GALNTL6: variants seen among roughly 807,000 people sequenced by gnomAD.
The protein encoded by GALNTL6 is polypeptide N-acetylgalactosaminyltransferase-like 6.
In GALNTL6, 46 loss-of-function variants were observed where a neutral mutation model predicts 73.7. The ratio of observed to expected loss-of-function variants is 0.62; its 90% CI spans 0.49 to 0.80. The LOEUF (loss-of-function observed/expected upper bound fraction) is 0.80. Ranked by LOEUF, GALNTL6 falls within the 30% of genes least tolerant of loss-of-function variation. GALNTL6 has a pLI of 0.00. For synonymous variants in GALNTL6, 259 were observed against 263.7 expected (o/e 0.98, Z 0.17); for missense variants, 604 against 755.0 (o/e 0.80, Z 2.34).
chr4:172,740,576 G>A (rs1416202324), intron 5 of GALNTL6, among the ~76,000 whole-genome samples: 1 of 152,126 alleles, frequency 6.6e-6, no homozygotes, highest in South Asian at 2.1e-4. Flanking sequence ...TGCTTTCCTA[G>A]CTGTGGTCAG....
chr4:172,771,357 G>T (rs796363008), intron 5 of GALNTL6, among the ~76,000 whole-genome samples: 7 of 152,242 alleles, frequency 4.6e-5, no homozygotes, highest in African/African-American at 1.7e-4. Context: ...GTTCTCTAAG[G>T]TTCCAAAAAT....
intron 2 of GALNTL6, among the ~76,000 whole-genome samples, chr4:172,006,355 C>T (rs559754785): frequency 2.6e-5 from 4 of 152,250 alleles, no homozygotes; most frequent in South Asian, 2.1e-4. Flanking sequence ...AGGCTGGACA[C>T]GGTGGCTCTT....
intron 2 of GALNTL6, among the ~76,000 whole-genome samples, chr4:171,853,760 C>T (rs905144605): frequency 4.0e-5 from 6 of 151,396 alleles, no homozygotes. Context: ...TACAGGTGCC[C>T]ACCACCACGC....
At chr4:172,856,618 T>A (rs749373200) in intron 7 of GALNTL6, among the ~76,000 whole-genome samples, 2 of 146,390 alleles carry the variant, frequency 1.4e-5, no homozygotes, top group Non-Finnish European at 3.0e-5. Flanking sequence ...TGATAAAACA[T>A]GAAGGTTCAT....
intron 3 of GALNTL6, among the ~76,000 whole-genome samples, chr4:172,236,584 A>G (rs1164921778): frequency 6.6e-6 from 1 of 151,356 alleles, no homozygotes; most frequent in Non-Finnish European, 1.5e-5. Flanking sequence ...GTATATTAGC[A>G]TGATAGGCAG....
At chr4:171,940,904 CTT>C (rs917943929) in intron 2 of GALNTL6, among the ~76,000 whole-genome samples, 1 of 150,610 alleles carries the variant, frequency 6.6e-6, no homozygotes, top group African/African-American at 2.4e-5. Flanking sequence ...TGTATAATCA[CTT>C]TATAAGAATG....
At chr4:172,411,918 G>T (rs1397395888) in intron 5 of GALNTL6, among the ~76,000 whole-genome samples, 2 of 151,712 alleles carry the variant, frequency 1.3e-5, no homozygotes, top group African/African-American at 4.8e-5. Flanking sequence ...AAATAGAAAA[G>T]TAAAAAGTTA....
At chr4:172,230,602 A>G (rs1224175930) in intron 3 of GALNTL6, among the ~76,000 whole-genome samples, 2 of 152,022 alleles carry the variant, frequency 1.3e-5, no homozygotes, top group African/African-American at 4.8e-5. Context: ...GACAAAAAAG[A>G]ATAAGTCTTT....
chr4:172,742,006 A>G (rs909373016), intron 5 of GALNTL6, among the ~76,000 whole-genome samples: 2 of 151,964 alleles, frequency 1.3e-5, no homozygotes, highest in Non-Finnish European at 2.9e-5. Context: ...AAAATAAGAA[A>G]AAACATATAC....
At chr4:172,491,507 T>C (rs1733891798) in intron 5 of GALNTL6, among the ~76,000 whole-genome samples, 1 of 152,074 alleles carries the variant, frequency 6.6e-6, no homozygotes, top group Admixed American at 6.6e-5. Context: ...ATTTGAGTAA[T>C]AAAAGTTTGT....
intron 5 of GALNTL6, among the ~76,000 whole-genome samples, chr4:172,808,093 G>C (rs1741075035): frequency 6.6e-6 from 1 of 152,170 alleles, no homozygotes; most frequent in African/African-American, 2.4e-5. Flanking sequence ...AAAGTGCTGA[G>C]ATTACAGGCA....
At chr4:173,031,359 G>A (rs1011926069) in intron 12 of GALNTL6, among the ~76,000 whole-genome samples, 32 of 152,108 alleles carry the variant, frequency 2.1e-4, no homozygotes, top group African/African-American at 7.5e-4. Context: ...AAATAGATGG[G>A]CTAACTAGTC....
At chr4:172,155,351 G>A (rs1168049483) in intron 2 of GALNTL6, among the ~76,000 whole-genome samples, 1 of 152,150 alleles carries the variant, frequency 6.6e-6, no homozygotes, top group African/African-American at 2.4e-5. Context: ...TCCACCAAGT[G>A]AGGATACAGT....
intron 5 of GALNTL6, among the ~76,000 whole-genome samples, chr4:172,756,548 A>G (rs1821863): frequency 0.96 from 146,090 of 152,094 alleles, 70,432 homozygotes; most frequent in East Asian, 1. Flanking sequence ...AGGAGGCTGA[A>G]GCAGGAGAAT....
At chr4:172,699,819 G>T (rs538529456) in intron 5 of GALNTL6, among the ~76,000 whole-genome samples, 1 of 152,130 alleles carries the variant, frequency 6.6e-6, no homozygotes, top group East Asian at 1.9e-4. Context: ...AAAAGAAAAA[G>T]AAAATAATTT....
At chr4:172,469,184 T>C (rs545071736) in intron 5 of GALNTL6, among the ~76,000 whole-genome samples, 2 of 152,210 alleles carry the variant, frequency 1.3e-5, no homozygotes, top group East Asian at 1.9e-4. Flanking sequence ...GGTTACACAA[T>C]TGGACTCATT....
intron 7 of GALNTL6, among the ~76,000 whole-genome samples, chr4:172,865,768 T>C (rs1311159487): frequency 6.6e-6 from 1 of 152,202 alleles, no homozygotes; most frequent in Non-Finnish European, 1.5e-5. Context: ...CATGAGCCTC[T>C]AGTTTCCTCA....
intron 2 of GALNTL6, among the ~76,000 whole-genome samples, chr4:171,934,679 C>T (rs757304365): frequency 2.6e-5 from 4 of 152,058 alleles, no homozygotes; most frequent in Non-Finnish European, 5.9e-5. Flanking sequence ...GCCTCCCTAA[C>T]TGTTGGGATT....
rs113336843 is a variant in GALNTL6 at position 171,858,001 on chromosome 4, T to G, written c.138+43283T>G. Among the ~76,000 whole-genome samples, 1,212 of 152,268 alleles carry G rather than the reference T, an allele frequency of 8.0e-3. 22 individuals carry two copies. Among genetic ancestry groups the G allele is most frequent in the African/African-American group, 0.028 (1,153 of 41,570 alleles). The stretch of plus-strand genomic sequence containing the variant: ...ATCGGTGCTTAGATCAATGATATGG[T>G]TAGTGGAAAGTGTGTAACAACCATA... On this transcript the variant is annotated intron_variant, in intron 2 of 12. Transcript: ENST00000506823.
Sources: allele counts gnomAD v4.1 joint callset (sites outside exome capture counted in the v4.1 genomes callset), GRCh38; gene constraint gnomAD v4.1.1; transcripts MANE v1.5; gene names NCBI Gene and HGNC (gene_info 2026-07-23, HGNC 2026-07-21).